CNTNAP2: variants seen among roughly 807,000 people sequenced by gnomAD.
CNTNAP2 encodes the protein contactin-associated protein-like 2.
Under a neutral mutation model 155.2 loss-of-function variants are expected in CNTNAP2, and 98 were observed. The observed-to-expected ratio is 0.63, with a 90% confidence interval of 0.54 to 0.75. The LOEUF is 0.75. Among genes scored for constraint, CNTNAP2 ranks in the 30% least tolerant of loss-of-function variants. The pLI is 0.00. For missense variants in CNTNAP2, 1,727 were observed against 1,688.1 expected (o/e 1.02, Z -0.40); for synonymous variants, 651 against 631.2 (o/e 1.03, Z -0.47).
chr7:146,945,465 G>C (rs973884886), intron 3 of CNTNAP2, among the ~76,000 whole-genome samples: 1 of 152,124 alleles, frequency 6.6e-6, no homozygotes, highest in African/African-American at 2.4e-5. Context: ...AATCGTAACA[G>C]AAATGGAAAA....
intron 3 of CNTNAP2, among the ~76,000 whole-genome samples, chr7:147,040,225 A>T (rs1194253348): frequency 1.3e-5 from 2 of 152,196 alleles, no homozygotes; most frequent in African/African-American, 4.8e-5. Context: ...AAATGCCATG[A>T]AAACTGCAAC....
chr7:147,279,913 G>A (rs1366429205), intron 8 of CNTNAP2, among the ~76,000 whole-genome samples: 4 of 151,878 alleles, frequency 2.6e-5, no homozygotes, highest in Non-Finnish European at 5.9e-5. Context: ...ACAGAGATCT[G>A]TCAGATAGGT....
At chr7:146,420,196 C>T (rs914599809) in intron 1 of CNTNAP2, among the ~76,000 whole-genome samples, 1 of 152,092 alleles carries the variant, frequency 6.6e-6, no homozygotes, top group Non-Finnish European at 1.5e-5. Flanking sequence ...TTTTAACTTA[C>T]ACAGGTAACT....
chr7:146,604,773 A>C (rs1407892618), intron 1 of CNTNAP2, among the ~76,000 whole-genome samples: 5 of 143,986 alleles, frequency 3.5e-5, no homozygotes, highest in African/African-American at 1.2e-4. Context: ...TGTCCTTTGT[A>C]GGGACATGGA....
chr7:146,740,837 A>G (rs1314069509), intron 1 of CNTNAP2, among the ~76,000 whole-genome samples: 1 of 152,230 alleles, frequency 6.6e-6, no homozygotes, highest in Non-Finnish European at 1.5e-5. Context: ...AGGGCTACCC[A>G]AAGCCTGGGA....
At chr7:146,511,255 A>G (rs1407464274) in intron 1 of CNTNAP2, among the ~76,000 whole-genome samples, 1 of 152,130 alleles carries the variant, frequency 6.6e-6, no homozygotes, top group Non-Finnish European at 1.5e-5. Flanking sequence ...TGATTTCTTC[A>G]TTCCCAGTTT....
intron 7 of CNTNAP2, 96 bp downstream of exon 7, chr7:147,128,932 T>A (rs1801295230): frequency 2.6e-6 from 4 of 1,518,402 alleles, no homozygotes; most frequent in South Asian, 1.1e-5. Context: ...ATGACATTTT[T>A]CATCATATTT....
At chr7:148,012,882 G>A (rs964215901) in intron 15 of CNTNAP2, among the ~76,000 whole-genome samples, 3 of 152,188 alleles carry the variant, frequency 2.0e-5, no homozygotes, top group African/African-American at 4.8e-5. Context: ...GAGTATATCT[G>A]TAGGAAATGT....
At chr7:146,939,100 C>G (rs1227369531) in intron 3 of CNTNAP2, among the ~76,000 whole-genome samples, 3 of 151,996 alleles carry the variant, frequency 2.0e-5, no homozygotes, top group Non-Finnish European at 4.4e-5. Context: ...AAATAGAAAA[C>G]TTAACAAATG....
At chr7:146,781,653 C>T (rs913473419) in intron 2 of CNTNAP2, among the ~76,000 whole-genome samples, 1 of 152,176 alleles carries the variant, frequency 6.6e-6, no homozygotes, top group Non-Finnish European at 1.5e-5. Flanking sequence ...AAACCTTATT[C>T]TACTCTTGAG....
chr7:146,152,724 T>C (rs532672598), intron 1 of CNTNAP2, among the ~76,000 whole-genome samples: 1 of 152,196 alleles, frequency 6.6e-6, no homozygotes, highest in South Asian at 2.1e-4. Context: ...ACATGGACAA[T>C]ATAACAGAAA....
At chr7:147,978,104 C>T (rs1563155433) in intron 15 of CNTNAP2, 115 bp downstream of exon 15, 3 of 1,354,122 alleles carry the variant, frequency 2.2e-6, no homozygotes, top group Non-Finnish European at 3.1e-6. Flanking sequence ...CCTACAGAAA[C>T]ATCACACAAC....
At chr7:146,346,970 G>T (rs1463170122) in intron 1 of CNTNAP2, among the ~76,000 whole-genome samples, 3 of 151,434 alleles carry the variant, frequency 2.0e-5, no homozygotes, top group Admixed American at 1.3e-4. Flanking sequence ...CCCCTTCTGG[G>T]CAAGAAAGAA....
chr7:147,577,205 C>T (rs1428625588), intron 12 of CNTNAP2, among the ~76,000 whole-genome samples: 1 of 152,038 alleles, frequency 6.6e-6, no homozygotes, highest in Non-Finnish European at 1.5e-5. Flanking sequence ...ATTCATCATA[C>T]TTCTGCGTCA....
chr7:146,426,408 T>TACAC (rs1315894440), intron 1 of CNTNAP2, among the ~76,000 whole-genome samples: 2 of 136,596 alleles, frequency 1.5e-5, no homozygotes, highest in Admixed American at 7.2e-5. Flanking sequence ...TATATATATA[T>TACAC]ACACACACAC....
chr7:147,968,945 A>T (rs1801276562), intron 14 of CNTNAP2, among the ~76,000 whole-genome samples: 1 of 152,208 alleles, frequency 6.6e-6, no homozygotes, highest in African/African-American at 2.4e-5. Flanking sequence ...ATAGGCAGAA[A>T]AGGTCTGAAG....
chr7:146,256,254 A>T (rs1799835246), intron 1 of CNTNAP2, among the ~76,000 whole-genome samples: 1 of 152,128 alleles, frequency 6.6e-6, no homozygotes, highest in Non-Finnish European at 1.5e-5. Flanking sequence ...CTATTTCATT[A>T]AATGTTCTAT....
chr7:147,130,133 GC>G (rs1039327499), intron 7 of CNTNAP2, among the ~76,000 whole-genome samples: 8 of 152,144 alleles, frequency 5.3e-5, no homozygotes, highest in Admixed American at 5.2e-4. Flanking sequence ...TAGATGTATA[GC>G]CTGGTATAGT....
chr7:147,039,858 A>G (rs1280887368), intron 3 of CNTNAP2, among the ~76,000 whole-genome samples: 1 of 152,200 alleles, frequency 6.6e-6, no homozygotes, highest in Admixed American at 6.5e-5. Context: ...AAACTCTGGA[A>G]GACAACCTAG....
Sources: allele counts gnomAD v4.1 joint callset (sites outside exome capture counted in the v4.1 genomes callset), GRCh38; gene constraint gnomAD v4.1.1; transcripts MANE v1.5; gene names NCBI Gene and HGNC (gene_info 2026-07-23, HGNC 2026-07-21).